PLXNA3: variants seen among roughly 807,000 people sequenced by gnomAD.
The protein encoded by PLXNA3 is plexin-A3.
In PLXNA3, 52 loss-of-function variants were observed where a neutral mutation model predicts 118.8. That is an observed-to-expected ratio of 0.44 (90% CI 0.35 to 0.55). PLXNA3 has a LOEUF of 0.55. Among genes scored for constraint, PLXNA3 ranks in the 20% least tolerant of loss-of-function variants. The pLI is 0.01. For synonymous variants in PLXNA3, 925 were observed against 762.4 expected (o/e 1.21, Z -3.51); for missense variants, 1,660 against 1,730.8 (o/e 0.96, Z 0.73).
Position 154,464,563 on chromosome X carries a change from G to A in PLXNA3, c.1928+62G>A, listed in dbSNP as rs189757583. On this transcript the variant is annotated intron_variant, in intron 9 of 32. Coordinates refer to ENST00000369682, the MANE Select transcript of PLXNA3 (RefSeq NM_017514.5). Reference sequence around the variant, plus strand: ...GATAGAGGGGACCTCTGGGACAGGCGACACCTTCAGGGCAGCTGTTTCTGG... The same window carrying A: ...GATAGAGGGGACCTCTGGGACAGGCAACACCTTCAGGGCAGCTGTTTCTGG... The A allele has an allele frequency of 1.2e-4, 114 of 980,271 alleles. 1 individual carries two copies. In the African/African-American group the frequency reaches 1.6e-3, roughly 14 times the overall value. 80.8% of individuals were successfully genotyped at this position (980,271 alleles called of 1,213,427 possible). A position where few individuals can be genotyped will look rare whatever the true frequency, so the allele number is the denominator to read the frequency against.
At position 154,460,615 on chromosome X, in the gene PLXNA3, G is replaced by T. The variant is rs2068932330; in HGVS notation, c.432G>T (p.Gly144=). The T allele has an allele frequency of 3.4e-6, 4 of 1,190,518 alleles. No homozygotes were observed. The South Asian group carries it at 7.4e-5, about 22-fold the overall frequency. The part of the protein sequence containing the change: ...PHHRKEHYLS[G]AQEPDSMAGV... ...ACCGCAAGGAGCACTACCTGTCGGG[G>T]GCCCAGGAGCCCGACTCCATGGCTG... Residue 144 remains glycine, a synonymous_variant, in exon 2 of 33, where the codon GGG becomes GGT. Coordinates refer to ENST00000369682, the MANE Select transcript of PLXNA3 (RefSeq NM_017514.5).
At position 154,463,460 on chromosome X, in the gene PLXNA3, C is replaced by T. The variant is rs1557205519; in HGVS notation, c.1387C>T (p.Leu463Phe). The T allele has an allele frequency of 8.3e-7, 1 of 1,209,419 alleles. No individual in the cohort carries two copies. Among genetic ancestry groups the T allele is most frequent in the Middle Eastern group, 2.3e-4 (1 of 4,339 alleles). ...TVPVVDGSPI[L>F]RDLLFSPDHR... ...CCCCGTGGTGGATGGCAGCCCCATCCTCCGAGACCTGCTCTTCAGCCCGGA... is the reference window on the plus strand; with the variant it reads ...CCCCGTGGTGGATGGCAGCCCCATCTTCCGAGACCTGCTCTTCAGCCCGGA... The change falls in exon 5 of 33, where the codon CTC becomes TTC. Residue 463 changes from leucine to phenylalanine, a missense_variant. This residue lies in a region of PLXNA3 where 791 missense variants were observed against 652.1 expected (regional missense o/e 1.21). Transcript: ENST00000369682.
Position 154,463,469 on chromosome X carries a change from C to G in PLXNA3, c.1396C>G (p.Leu466Val). The change falls in exon 5 of 33, where the codon CTG becomes GTG. Residue 466 changes from leucine (L) to valine (V), a missense_variant. Leu to Val is a conservative substitution (Grantham distance 32). This residue lies in a region of PLXNA3 where 791 missense variants were observed against 652.1 expected (regional missense o/e 1.21). Transcript: ENST00000369682. ...GGATGGCAGCCCCATCCTCCGAGACCTGCTCTTCAGCCCGGACCACCGGCA... is the reference window on the plus strand; with the variant it reads ...GGATGGCAGCCCCATCCTCCGAGACGTGCTCTTCAGCCCGGACCACCGGCA... ...VVDGSPILRDLLFSPDHRHIY... is the reference protein window; with the variant it reads ...VVDGSPILRDVLFSPDHRHIY... The G allele has an allele frequency of 1.7e-6, 2 of 1,207,925 alleles. No homozygotes were observed. The highest frequency in any genetic ancestry group is 2.2e-6 in the Non-Finnish European group (2 of 894,376).
intron 32 of PLXNA3, 139 bp from the exon 33 acceptor site, chrX:154,472,451 G>A (rs2069195990): frequency 2.1e-6 from 1 of 474,939 alleles, no homozygotes; most frequent in Admixed American, 3.0e-5. Context: ...GAGAGCTGGT[G>A]GGTTTGTACA....
In PLXNA3 at chrX:154,465,066, G is replaced by T. The variant is rs782704959; in HGVS notation, c.2092G>T (p.Val698Phe). ...PSGDLLIPVG[V>F]MQPLTLRAKN... Reference sequence around the variant, plus strand: ...TGGGGACCTCCTGATCCCCGTTGGGGTCATGCAGCCTCTTACCTTGCGGGC... The same window carrying T: ...TGGGGACCTCCTGATCCCCGTTGGGTTCATGCAGCCTCTTACCTTGCGGGC... The change falls in exon 11 of 33, where the codon GTC (valine) becomes TTC (phenylalanine). Residue 698 changes from valine to phenylalanine, a missense_variant. By Grantham distance (50) the Val-to-Phe change is conservative (BLOSUM62 -1). Coordinates refer to ENST00000369682, the MANE Select transcript of PLXNA3 (RefSeq NM_017514.5). 5.8e-6 allele frequency: 7 copies of T among 1,208,355 alleles called. No individual in the cohort carries two copies. Among genetic ancestry groups the T allele is most frequent in the Non-Finnish European group, 7.8e-6 (7 of 894,458 alleles).
In PLXNA3 at chrX:154,461,069, C is replaced by G. The variant is rs202000751; in HGVS notation, c.595-30C>G. 4 of 1,154,485 alleles carry G rather than the reference C, an allele frequency of 3.5e-6. No individual in the cohort carries two copies. In the African/African-American group the frequency reaches 5.3e-5, roughly 15 times the overall value. On this transcript the variant is annotated intron_variant, in intron 2 of 32. Coordinates refer to ENST00000369682, the MANE Select transcript of PLXNA3 (RefSeq NM_017514.5). ...CCGTGATGTTGGCACAGGGCCTCAC[C>G]GGATGCTGTCTCCTCCCCCTGCTCC... is the stretch of plus-strand genomic sequence containing the variant.
rs2068876315 is a variant in PLXNA3 at position 154,458,358 on chromosome X, G to A, written c.-98G>A. 9.1e-6 allele frequency: 1 copy of A among 110,363 alleles called. No individual in the cohort carries two copies. The highest frequency in any genetic ancestry group is 9.4e-5 in the Admixed American group (1 of 10,594). The allele number at this position is 110,363 out of a possible 1,213,427, so 9.1% of individuals were successfully genotyped here. On this transcript the variant is annotated 5_prime_UTR_variant, in exon 1 of 33. Coordinates refer to ENST00000369682, the MANE Select transcript of PLXNA3 (RefSeq NM_017514.5). ...GCGAGGCCGTGGGGACGTGCGAGCG[G>A]GGCCGCGGTGGGGCTCGGGGGCGCG...
rs781795442 is a variant in PLXNA3 at position 154,464,224 on chromosome X, C to CGGA, written c.1741_1743dup (p.Glu581dup). 1 of 1,207,092 alleles carries CGGA rather than the reference C, an allele frequency of 8.3e-7. No homozygotes were observed. The highest frequency in any genetic ancestry group is 1.1e-6 in the Non-Finnish European group (1 of 894,211). Reference sequence around the variant, plus strand: ...GTGAGCTGCGCCTTCGAGGCGGCGGCGGAGAACGAGGCGGTCCTGCTGCCC... The same window carrying CGGA: ...GTGAGCTGCGCCTTCGAGGCGGCGGCGGAGGAGAACGAGGCGGTCCTGCTGCCC... On this transcript the variant is annotated inframe_insertion, in exon 8 of 33. Transcript: ENST00000369682.
Position 154,465,876 on chromosome X carries a change from T to C in PLXNA3, c.2532+29T>C, listed in dbSNP as rs782140230. 23 of 1,208,004 alleles carry C rather than the reference T, an allele frequency of 1.9e-5. 1 individual carries two copies. Among genetic ancestry groups the C allele is most frequent in the Middle Eastern group, 2.3e-4 (1 of 4,347 alleles). On this transcript the variant is annotated intron_variant, in intron 13 of 32. Coordinates refer to ENST00000369682, the MANE Select transcript of PLXNA3 (RefSeq NM_017514.5). ...AGCCTCCCTCACCGCCCCTGCCCAC[T>C]GCCAACAGGGCCCCTGGGAGTCTGA...
intron 23 of PLXNA3, 51 bp from the exon 24 acceptor site, chrX:154,468,612 C>A (rs2069133608): frequency 8.3e-7 from 1 of 1,206,822 alleles, no homozygotes; most frequent in African/African-American, 1.7e-5. Flanking sequence ...GGGCCTGCCC[C>A]CTGTCCAAGC....
chrX:154,465,426 C>T lies in PLXNA3; in HGVS notation c.2247C>T (p.Tyr749=), dbSNP rs2069063987. The change falls in exon 12 of 33, where the codon TAC becomes TAT. Residue 749 remains tyrosine (Y), a splice_region_variant and synonymous_variant. Coordinates refer to ENST00000369682, the MANE Select transcript of PLXNA3 (RefSeq NM_017514.5). ...SSSVQCQNAS[Y]SYEGDEHGDT... ...TCCCATGGGTTCCTTTCCTCCAGTA[C>T]TCCTATGAAGGTGATGAGCATGGTG... is the stretch of plus-strand genomic sequence containing the variant. The T allele has an allele frequency of 1.7e-6, 2 of 1,200,272 alleles. No homozygotes were observed. The highest frequency in any genetic ancestry group is 1.1e-6 in the Non-Finnish European group (1 of 885,402).
intron 1 of PLXNA3, among the ~76,000 whole-genome samples, chrX:154,459,243 AG>A (rs1359511127): frequency 9.9e-6 from 1 of 101,244 alleles, no homozygotes; most frequent in African/African-American, 3.6e-5. Context: ...GGTAGCGCTG[AG>A]CCCTGCCCTG....
At chrX:154,465,562 G>C (rs782248128) in intron 12 of PLXNA3, 42 bp downstream of exon 12, 7 of 1,153,092 alleles carry the variant, frequency 6.1e-6, no homozygotes, top group Non-Finnish European at 7.1e-6. Context: ...AAGGCAATTG[G>C]CACTGCTGGG....
chrX:154,463,911 G>A (rs373794976), intron 6 of PLXNA3, 40 bp from the exon 7 acceptor site: 147 of 1,159,018 alleles, frequency 1.3e-4, no homozygotes, highest in Middle Eastern at 3.2e-4. Flanking sequence ...GGGCCCTCCC[G>A]GGGCAGTGGC....
At position 154,469,779 on chromosome X, in the gene PLXNA3, G is replaced by A. The variant is rs782145368; in HGVS notation, c.4790G>A (p.Arg1597His). The change falls in exon 28 of 33, where the codon CGC becomes CAC. Residue 1597 changes from arginine to histidine, a missense_variant. Around this residue, in one of 2 missense-constraint regions of PLXNA3, gnomAD observed 869 missense variants for 1,078.7 expected, o/e 0.81. Transcript: ENST00000369682. ...NSFTFTRSLS[R>H]YESLLRTASS... ...TTCACCTTCACCCGCTCCCTCAGCC[G>A]CTACGGTAGGTGTCCTCAGTGTGGT... 8.3e-6 allele frequency: 10 copies of A among 1,201,947 alleles called. No homozygotes were observed. Among genetic ancestry groups the A allele is most frequent in the African/African-American group, 3.5e-5 (2 of 57,379 alleles).
At chrX:154,463,272 G>T in intron 4 of PLXNA3, 119 bp from the exon 5 acceptor site, 1 of 1,039,817 alleles carries the variant, frequency 9.6e-7, no homozygotes, top group Non-Finnish European at 1.3e-6. Flanking sequence ...GGGTGTGAGT[G>T]CTGAACCCCA....
rs1011043525 is a variant in PLXNA3, at chrX:154,467,637, C to G, written c.3534C>G (p.Asp1178Glu). The change falls in exon 20 of 33, where the codon GAC becomes GAG. Residue 1178 changes from aspartate to glutamate, a missense_variant. By Grantham distance (45) the Asp-to-Glu change is conservative (BLOSUM62 2). This residue lies in a region of PLXNA3 where 869 missense variants were observed against 1,078.7 expected (regional missense o/e 0.81). Transcript: ENST00000369682. ...GGQPCSLTVS[D>E]TQLLCDSPSQ... is the part of the protein sequence containing the mutation. ...AGCCGTGTTCGCTCACTGTCTCGGACACACAACTCCTGTGCGACTCACCCA... is the reference window on the plus strand; with the variant it reads ...AGCCGTGTTCGCTCACTGTCTCGGAGACACAACTCCTGTGCGACTCACCCA... 1.7e-6 allele frequency: 2 copies of G among 1,210,278 alleles called. No individual in the cohort carries two copies. Among genetic ancestry groups the G allele is most frequent in the Non-Finnish European group, 2.2e-6 (2 of 895,188 alleles).
Position 154,467,572 on chromosome X carries a change from G to A in PLXNA3, c.3469G>A (p.Gly1157Ser), listed in dbSNP as rs1172033903. Residue 1157 changes from glycine to serine, a missense_variant, in exon 20 of 33, where the codon GGC becomes AGC. Coordinates refer to ENST00000369682, the MANE Select transcript of PLXNA3 (RefSeq NM_017514.5). Reference protein sequence around the residue: ...KGKNLIPAAAGSSRLNYTVLI... With the variant: ...KGKNLIPAAASSSRLNYTVLI... ...CAAGAACCTGATTCCCGCTGCAGCC[G>A]GCAGCTCCCGCCTCAACTACACTGT... 7 of 1,192,700 alleles carry A rather than the reference G, an allele frequency of 5.9e-6. No homozygotes were observed. The highest frequency in any genetic ancestry group is 1.8e-5 in the African/African-American group (1 of 56,745).
intron 32 of PLXNA3, among the ~76,000 whole-genome samples, chrX:154,472,343 C>T (rs781927066): frequency 2.1e-4 from 23 of 110,103 alleles, no homozygotes; most frequent in African/African-American, 7.6e-4. Flanking sequence ...TCCAGCACGG[C>T]GAGTCCAGAG....
Sources: gnomAD v4.1 joint callset for allele counts (sites outside exome capture counted in the v4.1 genomes callset) on GRCh38, gnomAD v4.1.1 for gene constraint, gnomAD v4.1.1 regional missense constraint, MANE v1.5 for transcripts, NCBI Gene and HGNC (gene_info 2026-07-23, HGNC 2026-07-21) for gene names.